Variants in NACC2 observed in about 807,000 individuals in gnomAD.
NACC2 encodes the protein nucleus accumbens-associated protein 2.
A neutral mutation model predicts 25.1 loss-of-function variants in NACC2; 8 were observed. That is an observed-to-expected ratio of 0.32 (90% CI 0.19 to 0.57). NACC2 has a LOEUF of 0.57. Among genes scored for constraint, NACC2 ranks in the 20% least tolerant of loss-of-function variants. The pLI is 0.89. For synonymous variants in NACC2, 435 were observed against 294.7 expected, an observed-to-expected ratio of 1.48 and a Z score of -4.88; for missense variants, 644 against 650.2, an observed-to-expected ratio of 0.99 and a Z score of 0.10.
At chr9:136,061,462 T>C (rs1841009316) in intron 1 of NACC2, among the ~76,000 whole-genome samples, 3 of 151,936 alleles carry the variant, frequency 2.0e-5, no homozygotes, top group African/African-American at 4.8e-5. Flanking sequence ...CCCTGACCAT[T>C]GAGGGGCCCA....
At chr9:136,067,771 G>C (rs1841104346) in intron 1 of NACC2, among the ~76,000 whole-genome samples, 1 of 152,216 alleles carries the variant, frequency 6.6e-6, no homozygotes, top group Admixed American at 6.5e-5. Flanking sequence ...GGAGGCGGAG[G>C]TTGCGGTGAG....
chr9:136,041,750 C>T (rs1441912378), intron 2 of NACC2, among the ~76,000 whole-genome samples: 1 of 152,072 alleles, frequency 6.6e-6, no homozygotes, highest in Non-Finnish European at 1.5e-5. Context: ...AACAGTATGG[C>T]GTGTGAATTA....
At chr9:136,014,427 CCT>C (rs1490324439) in intron 3 of NACC2, among the ~76,000 whole-genome samples, 2 of 152,178 alleles carry the variant, frequency 1.3e-5, no homozygotes, top group African/African-American at 4.8e-5. Context: ...ACCTCAGCCC[CCT>C]GAGTAGCCGG....
rs1830363351 is a variant in NACC2 at position 136,084,970 on chromosome 9, T to G, written c.-60+10219A>C. 6.6e-6 allele frequency among the ~76,000 whole-genome samples: 1 copy of G among 152,000 alleles called. No individual in the cohort carries two copies. The highest frequency in any genetic ancestry group is 2.4e-5 in the African/African-American group (1 of 41,384). ...TGTCTAATGGGGAAAGGGGTTCAGT[T>G]TGGGCAGATGAAACAGTTCTAGAGA... On this transcript the variant is annotated intron_variant, in intron 1 of 5. Transcript: ENST00000277554. This position sits in a 1 kb window ranked among gnomAD's most constrained non-coding sequence, Gnocchi z 5.1.
intron 1 of NACC2, among the ~76,000 whole-genome samples, chr9:136,093,318 G>C (rs990658869): frequency 6.6e-6 from 1 of 152,200 alleles, no homozygotes; most frequent in African/African-American, 2.4e-5. Flanking sequence ...AAAACAAAGG[G>C]AGGATTGAAG....
At chr9:136,088,579 G>A (rs763563271) in intron 1 of NACC2, among the ~76,000 whole-genome samples, 14 of 152,186 alleles carry the variant, frequency 9.2e-5, no homozygotes, top group Non-Finnish European at 1.5e-4. Flanking sequence ...GGTGACCACC[G>A]CAGTCAGCCA....
At chr9:136,040,343 T>TG (rs1840609759) in intron 2 of NACC2, among the ~76,000 whole-genome samples, 1 of 130,858 alleles carries the variant, frequency 7.6e-6, no homozygotes, top group Non-Finnish European at 1.7e-5. Flanking sequence ...AGACTCCGTC[T>TG]CAAAAAAAAA....
intron 1 of NACC2, among the ~76,000 whole-genome samples, chr9:136,070,715 G>T (rs1469593426): frequency 6.8e-6 from 1 of 146,812 alleles, no homozygotes; most frequent in Admixed American, 6.7e-5. Flanking sequence ...CAGAAGAAAA[G>T]AAATGATAAA....
intron 1 of NACC2, among the ~76,000 whole-genome samples, chr9:136,067,751 CT>C: frequency 6.6e-6 from 1 of 152,306 alleles, no homozygotes; most frequent in East Asian, 1.9e-4. Flanking sequence ...AGGAGAATCA[CT>C]TGAACCCGGG....
chr9:136,082,212 G>A (rs554680612), intron 1 of NACC2, among the ~76,000 whole-genome samples: 13 of 152,328 alleles, frequency 8.5e-5, no homozygotes, highest in African/African-American at 2.9e-4. Context: ...CGTCTCCCCA[G>A]GGTCTTCACC....
At position 136,086,869 on chromosome 9, in the gene NACC2, C is replaced by T. The variant is rs1830383619; in HGVS notation, c.-60+8320G>A. On this transcript the variant is annotated intron_variant, in intron 1 of 5. Coordinates refer to ENST00000277554, the MANE Select transcript of NACC2 (RefSeq NM_144653.5). This position sits in a 1 kb window ranked among gnomAD's most constrained non-coding sequence, Gnocchi z 5.6. ...CCTGGGCAAGTGCAGAGCCAGCCCCCCAGTGCCCTCTACGCACTAAAGGCT... is the reference window on the plus strand; with the variant it reads ...CCTGGGCAAGTGCAGAGCCAGCCCCTCAGTGCCCTCTACGCACTAAAGGCT... 6.6e-6 allele frequency among the ~76,000 whole-genome samples: 1 copy of T among 152,198 alleles called. No individual in the cohort carries two copies. The highest frequency in any genetic ancestry group is 2.4e-5 in the African/African-American group (1 of 41,442).
chr9:136,008,445 A>G lies in NACC2; in HGVS notation c.*3071T>C, dbSNP rs571643747. 17 of 152,406 alleles carry G rather than the reference A, an allele frequency of 1.1e-4. No homozygotes were observed. The highest frequency in any genetic ancestry group is 3.9e-4 in the Admixed American group (6 of 15,308). 9.4% of individuals were successfully genotyped at this position (152,406 alleles called of 1,614,324 possible). A position where few individuals can be genotyped will look rare whatever the true frequency, so the allele number is the denominator to read the frequency against. On this transcript the variant is annotated 3_prime_UTR_variant, in exon 6 of 6. Transcript: ENST00000277554. Reference sequence around the variant, plus strand: ...AGGTGTGGAGATAACGTAGCTCTGTAATAGATTCTATATAGGATATGCGTA... The same window carrying G: ...AGGTGTGGAGATAACGTAGCTCTGTGATAGATTCTATATAGGATATGCGTA...
rs189540441 is a variant in NACC2 at position 136,057,161 on chromosome 9, A to G, written c.-59-6581T>C. On this transcript the variant is annotated intron_variant, in intron 1 of 5. Transcript: ENST00000277554. Reference sequence around the variant, plus strand: ...GTTGGCTCTGCCGGGGGTCTGGTCCAGGGGCCTGTGTGACTGAGCCGAGCC... The same window carrying G: ...GTTGGCTCTGCCGGGGGTCTGGTCCGGGGGCCTGTGTGACTGAGCCGAGCC... Among the ~76,000 whole-genome samples, 1,410 of 152,322 alleles carry G rather than the reference A, an allele frequency of 9.3e-3. 8 individuals carry two copies. Among genetic ancestry groups the G allele is most frequent in the Non-Finnish European group, 0.014 (986 of 68,006 alleles).
chr9:136,074,266 C>G (rs77769653), intron 1 of NACC2, among the ~76,000 whole-genome samples: 1 of 148,918 alleles, frequency 6.7e-6, no homozygotes, highest in Non-Finnish European at 1.5e-5. Context: ...CTGGCTAACA[C>G]GGTGAAACCC....
At chr9:136,091,844 C>A (rs1830436696) in intron 1 of NACC2, among the ~76,000 whole-genome samples, 1 of 151,882 alleles carries the variant, frequency 6.6e-6, no homozygotes, top group Non-Finnish European at 1.5e-5. Flanking sequence ...AAAAAAAAAC[C>A]AACAACAACA....
intron 2 of NACC2, among the ~76,000 whole-genome samples, chr9:136,047,928 C>G (rs1840754207): frequency 6.6e-6 from 1 of 152,172 alleles, no homozygotes; most frequent in African/African-American, 2.4e-5. Context: ...TCCCATCACC[C>G]CAAACACACC....
At chr9:136,012,316 G>A (rs551637935) in intron 5 of NACC2, among the ~76,000 whole-genome samples, 41 of 152,358 alleles carry the variant, frequency 2.7e-4, no homozygotes, top group Admixed American at 5.9e-4. Context: ...TAATCTCTCC[G>A]GGCTTCCGTA....
intron 1 of NACC2, among the ~76,000 whole-genome samples, chr9:136,090,063 G>A (rs1452184577): frequency 1.3e-5 from 2 of 151,980 alleles, no homozygotes; most frequent in Non-Finnish European, 2.9e-5. Context: ...GCTGTGCAAT[G>A]GAAATGAAAT....
intron 2 of NACC2, among the ~76,000 whole-genome samples, chr9:136,049,342 GA>G (rs1301829565): frequency 6.6e-6 from 1 of 152,200 alleles, no homozygotes; most frequent in Non-Finnish European, 1.5e-5. Context: ...CACAGACGGG[GA>G]ACGTGAACCC....
Sources: gnomAD v4.1 joint callset for allele counts (sites outside exome capture counted in the v4.1 genomes callset) on GRCh38, gnomAD v4.1.1 for gene constraint, Gnocchi (gnomAD v3.1) non-coding constraint, MANE v1.5 for transcripts, NCBI Gene and HGNC (gene_info 2026-07-23, HGNC 2026-07-21) for gene names.